The following ARHGAP26 variants were observed in gnomAD, a reference collection of about 807,000 sequenced individuals.
ARHGAP26 encodes rho GTPase-activating protein 26.
A neutral mutation model predicts 104.8 loss-of-function variants in ARHGAP26; 38 were observed. The observed-to-expected ratio is 0.36, with a 90% CI of 0.28 to 0.48. ARHGAP26 has a LOEUF of 0.48. Among genes scored for constraint, ARHGAP26 ranks in the 20% least tolerant of loss-of-function variants. The probability of loss-of-function intolerance (pLI) is 0.99; values close to 1 mark genes in which losing one functional copy is unlikely to be tolerated. For synonymous variants in ARHGAP26, 341 were observed against 340.0 expected (o/e 1.00, Z -0.03); for missense variants, 704 against 947.9 (o/e 0.74, Z 3.38).
intron 10 of ARHGAP26, among the ~76,000 whole-genome samples, chr5:142,918,665 G>C (rs575047259): frequency 6.6e-6 from 1 of 151,932 alleles, no homozygotes; most frequent in Non-Finnish European, 1.5e-5. Context: ...TTTGGGGTGG[G>C]GGGGATGTTC....
chr5:142,913,410 T>G, intron 10 of ARHGAP26, 117 bp downstream of exon 10: 5 of 812,928 alleles, frequency 6.2e-6, no homozygotes, highest in Non-Finnish European at 8.0e-6. Flanking sequence ...CCTCCTTCCT[T>G]TCCTTCTCCC....
At chr5:143,014,221 G>C in intron 12 of ARHGAP26, 105 bp downstream of exon 12, 2 of 1,347,684 alleles carry the variant, frequency 1.5e-6, no homozygotes. Flanking sequence ...GGGCGTGTTG[G>C]GTTGGCTCCA....
intron 10 of ARHGAP26, among the ~76,000 whole-genome samples, chr5:142,929,873 C>T (rs1764461579): frequency 6.6e-6 from 1 of 152,190 alleles, no homozygotes; most frequent in South Asian, 2.1e-4. Flanking sequence ...ATGTTGGCTC[C>T]TTGACCTCAC....
At chr5:143,155,145 C>T (rs542408510) in intron 20 of ARHGAP26, among the ~76,000 whole-genome samples, 10 of 152,220 alleles carry the variant, frequency 6.6e-5, no homozygotes, top group African/African-American at 1.4e-4. Context: ...ATAACCTGAA[C>T]GCCTCATTGT....
chr5:142,877,246 A>G (rs991476008), intron 3 of ARHGAP26, among the ~76,000 whole-genome samples: 3 of 152,152 alleles, frequency 2.0e-5, no homozygotes, highest in African/African-American at 7.2e-5. Context: ...TGACAACTCC[A>G]TCAGTTCAGT....
intron 1 of ARHGAP26, among the ~76,000 whole-genome samples, chr5:142,872,273 T>C (rs1433038207): frequency 1.3e-5 from 2 of 152,160 alleles, no homozygotes; most frequent in Admixed American, 6.6e-5. Flanking sequence ...GAAAAAGTAC[T>C]GGGAGTCACG....
intron 1 of ARHGAP26, among the ~76,000 whole-genome samples, chr5:142,844,622 T>A (rs1423346310): frequency 3.3e-5 from 5 of 150,008 alleles, no homozygotes; most frequent in African/African-American, 1.2e-4. Flanking sequence ...CCCAGCAGTT[T>A]GGGAGGCCAA....
chr5:142,771,434 TC>T, intron 1 of ARHGAP26: 1 of 1,230,786 alleles, frequency 8.1e-7, no homozygotes, highest in Non-Finnish European at 1.0e-6. Context: ...GCCGCCGGGT[TC>T]CCTGGGTGGA....
rs560019526 is a variant in ARHGAP26, at chr5:142,835,673, T to G, written c.155-37727T>G. ...TTTTATTGAGCATTTTCTATGTTCATGGAGTTCCCTGAGCTTAGTACTTTT... is the reference window on the plus strand; with the variant it reads ...TTTTATTGAGCATTTTCTATGTTCAGGGAGTTCCCTGAGCTTAGTACTTTT... On this transcript the variant is annotated intron_variant, in intron 1 of 22. Transcript: ENST00000645722. Among the ~76,000 whole-genome samples the G allele has an allele frequency of 2.6e-5, 4 of 152,352 alleles. No homozygotes were observed. In the East Asian group the frequency reaches 7.7e-4, roughly 29 times the overall value.
chr5:143,104,204 A>G (rs985427495), intron 17 of ARHGAP26, among the ~76,000 whole-genome samples: 3 of 152,088 alleles, frequency 2.0e-5, no homozygotes, highest in Non-Finnish European at 2.9e-5. Flanking sequence ...CAGTTTGGTA[A>G]TATCTATTAA....
At chr5:142,942,858 A>G (rs1972626) in intron 11 of ARHGAP26, among the ~76,000 whole-genome samples, 2,072 of 152,208 alleles carry the variant, frequency 0.014, 54 homozygotes, top group African/African-American at 0.048. Flanking sequence ...TCAGCTCACT[A>G]CAACCTCTGC....
At chr5:142,924,018 C>T (rs1191940691) in intron 10 of ARHGAP26, among the ~76,000 whole-genome samples, 3 of 151,990 alleles carry the variant, frequency 2.0e-5, no homozygotes, top group African/African-American at 4.8e-5. Flanking sequence ...CCTGCCACCG[C>T]ACCTGGCTAA....
intron 11 of ARHGAP26, among the ~76,000 whole-genome samples, chr5:142,977,288 G>A (rs545358159): frequency 3.9e-5 from 6 of 152,272 alleles, no homozygotes; most frequent in East Asian, 1.9e-4. Context: ...ACCTCAACCC[G>A]CGGTTCTTCC....
chr5:143,161,260 T>G (rs1599301793), intron 20 of ARHGAP26, among the ~76,000 whole-genome samples: 1 of 151,762 alleles, frequency 6.6e-6, no homozygotes, highest in South Asian at 2.1e-4. Context: ...GATCCACCCG[T>G]CTTGGCCTCC....
chr5:142,832,333 A>G (rs1768626413), intron 1 of ARHGAP26, among the ~76,000 whole-genome samples: 1 of 152,214 alleles, frequency 6.6e-6, no homozygotes, highest in South Asian at 2.1e-4. Flanking sequence ...AGGCCCTGAT[A>G]TGATAGGATT....
chr5:142,789,259 A>G (rs554007994), intron 1 of ARHGAP26, among the ~76,000 whole-genome samples: 1 of 152,334 alleles, frequency 6.6e-6, no homozygotes, highest in Admixed American at 6.5e-5. Context: ...TGAGATAGTA[A>G]TAGTATAGAC....
At chr5:143,105,234 A>G (rs1262331292) in intron 17 of ARHGAP26, among the ~76,000 whole-genome samples, 1 of 151,926 alleles carries the variant, frequency 6.6e-6, no homozygotes, top group Non-Finnish European at 1.5e-5. Context: ...AAAATTAGCT[A>G]GGCATGGTGG....
chr5:143,188,266 A>G (rs1452762337), intron 20 of ARHGAP26, among the ~76,000 whole-genome samples: 2 of 152,234 alleles, frequency 1.3e-5, no homozygotes, highest in Non-Finnish European at 2.9e-5. Context: ...CTAGAACACA[A>G]TAGGAACCAA....
chr5:143,180,710 C>A (rs1049730596), intron 20 of ARHGAP26, among the ~76,000 whole-genome samples: 10 of 152,166 alleles, frequency 6.6e-5, no homozygotes, highest in African/African-American at 2.4e-4. Flanking sequence ...TGAGAACTCA[C>A]TATCACGGAG....
Sources: gnomAD v4.1 joint callset for allele counts (sites outside exome capture counted in the v4.1 genomes callset) on GRCh38, gnomAD v4.1.1 for gene constraint, MANE v1.5 for transcripts, NCBI Gene and HGNC (gene_info 2026-07-23, HGNC 2026-07-21) for gene names.